The following EYA4 variants were observed in gnomAD, a reference collection of about 807,000 sequenced individuals.
EYA4 encodes protein phosphatase EYA4.
Under a neutral mutation model 87.9 loss-of-function variants are expected in EYA4, and 31 were observed. The observed-to-expected ratio is 0.35, with a 90% confidence interval of 0.27 to 0.48. The LOEUF is 0.48. Among genes scored for constraint, EYA4 ranks in the 20% least tolerant of loss-of-function variants. EYA4 has a pLI of 0.99. For missense variants in EYA4, 678 were observed against 761.4 expected, an observed-to-expected ratio of 0.89 and a Z score of 1.29; for synonymous variants, 263 against 270.6, an observed-to-expected ratio of 0.97 and a Z score of 0.28.
At position 133,531,193 on chromosome 6, in the gene EYA4, C is replaced by A; in HGVS notation, c.*2388C>A. The A allele has an allele frequency of 6.5e-7, 1 of 1,535,122 alleles. No individual in the cohort carries two copies. The highest frequency in any genetic ancestry group is 8.7e-7 in the Non-Finnish European group (1 of 1,146,798). ...CAGTTTCTCACACACATCTCTTTTTCTGATTCTGTGTTCAGAAGAGGCTGC... is the reference window on the plus strand; with the variant it reads ...CAGTTTCTCACACACATCTCTTTTTATGATTCTGTGTTCAGAAGAGGCTGC... On this transcript the variant is annotated 3_prime_UTR_variant, in exon 20 of 20. Transcript: ENST00000355286.
intron 3 of EYA4, among the ~76,000 whole-genome samples, chr6:133,401,679 C>T (rs1163741941): frequency 6.6e-6 from 1 of 152,158 alleles, no homozygotes; most frequent in Non-Finnish European, 1.5e-5. Context: ...GTACCATCCT[C>T]TTCTATTTTC....
At chr6:133,334,466 T>C (rs1360480864) in intron 2 of EYA4, among the ~76,000 whole-genome samples, 1 of 152,190 alleles carries the variant, frequency 6.6e-6, no homozygotes, top group East Asian at 1.9e-4. Flanking sequence ...GATTTTTTTG[T>C]TGTTGTTCTT....
chr6:133,318,426 A>G (rs1780788719), intron 2 of EYA4, among the ~76,000 whole-genome samples: 1 of 152,178 alleles, frequency 6.6e-6, no homozygotes, highest in African/African-American at 2.4e-5. Context: ...GTGGAGGTAA[A>G]CAAAAACCAA....
rs368789980 is a variant in EYA4 at position 133,324,949 on chromosome 6, C to T, written c.33+50136C>T. 1.8e-4 allele frequency among the ~76,000 whole-genome samples: 23 copies of T among 129,218 alleles called. No individual in the cohort carries two copies. The East Asian group carries it at 5.2e-3, about 29-fold the overall frequency. 84.8% of individuals were successfully genotyped at this position (129,218 alleles called of 152,430 possible). Reference sequence around the variant, plus strand: ...TTTTTGAGACAGAGTCTCGCCCTGTCCCCCAGACTGGAGTGCAGTGGCACA... The same window carrying T: ...TTTTTGAGACAGAGTCTCGCCCTGTTCCCCAGACTGGAGTGCAGTGGCACA... On this transcript the variant is annotated intron_variant, in intron 2 of 19. Coordinates refer to ENST00000355286, the MANE Select transcript of EYA4 (RefSeq NM_004100.5).
chr6:133,434,450 A>C (rs916563987), intron 3 of EYA4, among the ~76,000 whole-genome samples: 2 of 152,212 alleles, frequency 1.3e-5, no homozygotes, highest in African/African-American at 4.8e-5. Context: ...TGAAGGATGC[A>C]CTGTAGGCCA....
chr6:133,394,302 T>G (rs1484645002), intron 3 of EYA4, among the ~76,000 whole-genome samples: 1 of 145,258 alleles, frequency 6.9e-6, no homozygotes, highest in African/African-American at 2.6e-5. Flanking sequence ...TTTTTTTTTT[T>G]TTTTTTTTTT....
intron 2 of EYA4, among the ~76,000 whole-genome samples, chr6:133,372,777 C>T (rs1164772976): frequency 6.6e-6 from 1 of 151,318 alleles, no homozygotes; most frequent in Non-Finnish European, 1.5e-5. Flanking sequence ...AATTAATCTA[C>T]AGATATATAG....
intron 12 of EYA4, among the ~76,000 whole-genome samples, chr6:133,482,497 T>C (rs1168866297): frequency 6.6e-6 from 1 of 152,194 alleles, no homozygotes; most frequent in African/African-American, 2.4e-5. Flanking sequence ...CCCTGAAGTT[T>C]GTGGGCAATT....
At chr6:133,347,366 T>G (rs1435310074) in intron 2 of EYA4, among the ~76,000 whole-genome samples, 1 of 152,222 alleles carries the variant, frequency 6.6e-6, no homozygotes, top group Non-Finnish European at 1.5e-5. Context: ...TTTAAATTTT[T>G]TTTTCAAAAT....
intron 17 of EYA4, among the ~76,000 whole-genome samples, chr6:133,520,988 T>G (rs1163433287): frequency 2.4e-4 from 37 of 151,792 alleles, no homozygotes; most frequent in Admixed American, 7.9e-4. Context: ...GACTTAAATG[T>G]TAGACCTAAA....
intron 3 of EYA4, among the ~76,000 whole-genome samples, chr6:133,396,758 A>T (rs1441064571): frequency 6.6e-6 from 1 of 152,086 alleles, no homozygotes; most frequent in East Asian, 1.9e-4. Context: ...CATGACTGGA[A>T]GTGTGGATTA....
intron 2 of EYA4, among the ~76,000 whole-genome samples, chr6:133,348,107 G>A (rs1038513550): frequency 2.6e-5 from 4 of 151,996 alleles, no homozygotes; most frequent in Non-Finnish European, 5.9e-5. Context: ...CAGCTTCTTC[G>A]TTTGGGTGAT....
At chr6:133,451,841 C>T (rs1211400391) in intron 5 of EYA4, among the ~76,000 whole-genome samples, 2 of 151,986 alleles carry the variant, frequency 1.3e-5, no homozygotes, top group African/African-American at 2.4e-5. Context: ...TATTTGAAAT[C>T]GATATAGAAA....
intron 2 of EYA4, among the ~76,000 whole-genome samples, chr6:133,373,422 A>AT (rs1332244558): frequency 6.6e-6 from 1 of 152,098 alleles, no homozygotes; most frequent in African/African-American, 2.4e-5. Context: ...TTTTAAGATG[A>AT]TTTTTAAAGC....
intron 2 of EYA4, among the ~76,000 whole-genome samples, chr6:133,295,657 A>G (rs1398099984): frequency 2.0e-5 from 3 of 152,218 alleles, no homozygotes; most frequent in African/African-American, 7.2e-5. Context: ...TAAAGACAGG[A>G]CAATAAAATC....
intron 16 of EYA4, among the ~76,000 whole-genome samples, chr6:133,513,890 C>T (rs1321849216): frequency 6.6e-6 from 1 of 151,966 alleles, no homozygotes; most frequent in Non-Finnish European, 1.5e-5. Flanking sequence ...TATACATGTG[C>T]ATACTATACA....
At chr6:133,290,597 A>T (rs1778411919) in intron 2 of EYA4, among the ~76,000 whole-genome samples, 1 of 152,008 alleles carries the variant, frequency 6.6e-6, no homozygotes, top group Non-Finnish European at 1.5e-5. Flanking sequence ...AATAGAGCAC[A>T]CTCTCATTTG....
intron 2 of EYA4, among the ~76,000 whole-genome samples, chr6:133,284,708 G>A (rs1413619423): frequency 3.9e-5 from 6 of 152,070 alleles, no homozygotes; most frequent in South Asian, 2.1e-4. Context: ...CTTTTAAAAC[G>A]AGACTTGGAT....
At chr6:133,366,655 G>A (rs918114994) in intron 2 of EYA4, among the ~76,000 whole-genome samples, 6 of 152,184 alleles carry the variant, frequency 3.9e-5, no homozygotes, top group Admixed American at 1.3e-4. Context: ...TGATTTCTAC[G>A]TGGTATTTGT....
Sources: allele counts gnomAD v4.1 joint callset (sites outside exome capture counted in the v4.1 genomes callset), GRCh38; gene constraint gnomAD v4.1.1; transcripts MANE v1.5; gene names NCBI Gene and HGNC (gene_info 2026-07-23, HGNC 2026-07-21).